Variants in PDE1A observed in about 807,000 individuals in gnomAD.
PDE1A encodes the protein dual specificity calcium/calmodulin-dependent 3',5'-cyclic nucleotide phosphodiesterase 1A.
Under a neutral mutation model 61.7 loss-of-function variants are expected in PDE1A, and 35 were observed. The ratio of observed to expected loss-of-function variants is 0.57; its 90% CI spans 0.43 to 0.75. PDE1A has a LOEUF of 0.75. PDE1A is among the 30% of genes least tolerant of loss of function. PDE1A has a pLI of 0.00. For missense variants in PDE1A, 597 were observed against 630.6 expected, an observed-to-expected ratio of 0.95 and a Z score of 0.57; for synonymous variants, 232 against 213.2, an observed-to-expected ratio of 1.09 and a Z score of -0.77.
At chr2:182,512,795 T>A (rs1180895174) in intron 2 of PDE1A, among the ~76,000 whole-genome samples, 1 of 152,168 alleles carries the variant, frequency 6.6e-6, no homozygotes, top group African/African-American at 2.4e-5. Flanking sequence ...ACTACAAGAA[T>A]ATCATAATAC....
intron 2 of PDE1A, among the ~76,000 whole-genome samples, chr2:182,520,692 T>C (rs1402480446): frequency 6.6e-6 from 1 of 151,920 alleles, no homozygotes; most frequent in Admixed American, 6.6e-5. Flanking sequence ...TTCAAGTAAC[T>C]ACAGGAAACT....
chr2:182,629,279 A>G, the PDE1A span, among the ~76,000 whole-genome samples: 5 of 152,214 alleles, frequency 3.3e-5, no homozygotes, highest in African/African-American at 1.2e-4. Context: ...CCCAGACTCA[A>G]CCCATGGCAA....
At chr2:182,579,043 A>G in the PDE1A span, among the ~76,000 whole-genome samples, 2 of 152,236 alleles carry the variant, frequency 1.3e-5, no homozygotes, top group Non-Finnish European at 2.9e-5. Context: ...CACAAAAGGG[A>G]AAAACAAATG....
At chr2:182,245,270 T>A (rs1225310900) in intron 2 of PDE1A, among the ~76,000 whole-genome samples, 1 of 152,176 alleles carries the variant, frequency 6.6e-6, no homozygotes, top group Non-Finnish European at 1.5e-5. Context: ...ACCCCCACCT[T>A]CACAGTTCCC....
chr2:182,705,176 A>G, the PDE1A span, among the ~76,000 whole-genome samples: 1 of 152,320 alleles, frequency 6.6e-6, no homozygotes, highest in East Asian at 1.9e-4. Flanking sequence ...AATTTTTTAA[A>G]CAAAAATTCT....
chr2:182,185,994 G>A, exon 13 of PDE1A: 1 of 1,614,012 alleles, frequency 6.2e-7, no homozygotes. Context: ...GAGTAGTCTG[G>A]GGAATAGGAC....
At chr2:182,236,775 C>T (rs1690054718) in intron 3 of PDE1A, among the ~76,000 whole-genome samples, 1 of 152,102 alleles carries the variant, frequency 6.6e-6, no homozygotes, top group African/African-American at 2.4e-5. Flanking sequence ...AATGGGACCT[C>T]TGATGCTACT....
the PDE1A span, among the ~76,000 whole-genome samples, chr2:182,644,111 T>A: frequency 8.5e-6 from 1 of 118,330 alleles, no homozygotes; most frequent in Non-Finnish European, 1.8e-5. Flanking sequence ...AGAGATACCT[T>A]CTCTCTAATC....
At chr2:182,712,806 T>C in the PDE1A span, among the ~76,000 whole-genome samples, 25 of 152,300 alleles carry the variant, frequency 1.6e-4, no homozygotes, top group East Asian at 4.8e-3. Flanking sequence ...TCCGCCTGCC[T>C]CAGCCTCCCA....
chr2:182,587,235 G>T, the PDE1A span, among the ~76,000 whole-genome samples: 1 of 152,158 alleles, frequency 6.6e-6, no homozygotes, highest in Non-Finnish European at 1.5e-5. Context: ...TGAGGATAAT[G>T]ATGAGCTATG....
At chr2:182,269,847 C>T (rs766696135) in intron 1 of PDE1A, among the ~76,000 whole-genome samples, 16 of 152,040 alleles carry the variant, frequency 1.1e-4, no homozygotes, top group Non-Finnish European at 2.1e-4. Context: ...TGTGTCTGCA[C>T]TTATCAAATT....
chr2:182,257,887 G>A (rs534534265), intron 2 of PDE1A, among the ~76,000 whole-genome samples: 1 of 152,314 alleles, frequency 6.6e-6, no homozygotes, highest in South Asian at 2.1e-4. Context: ...GCATCTATCA[G>A]CTGGGCGCGG....
At chr2:182,432,843 A>G (rs1038769036) in intron 2 of PDE1A, among the ~76,000 whole-genome samples, 2 of 151,898 alleles carry the variant, frequency 1.3e-5, no homozygotes, top group East Asian at 1.9e-4. Context: ...CTCTGCAACT[A>G]TGTCCCTTGT....
chr2:182,427,867 T>C (rs1453162673), upstream of PDE1A, among the ~76,000 whole-genome samples: 1 of 152,130 alleles, frequency 6.6e-6, no homozygotes, highest in African/African-American at 2.4e-5. Flanking sequence ...AAAGCATGAT[T>C]AGAATGTTTT....
At chr2:182,501,252 G>A (rs1689068220) in intron 2 of PDE1A, among the ~76,000 whole-genome samples, 1 of 152,124 alleles carries the variant, frequency 6.6e-6, no homozygotes, top group African/African-American at 2.4e-5. Flanking sequence ...TTGGCCTGTT[G>A]CTACTGATCC....
the PDE1A span, among the ~76,000 whole-genome samples, chr2:182,611,730 TAAAG>T: frequency 6.6e-6 from 1 of 151,198 alleles, no homozygotes; most frequent in South Asian, 2.1e-4. Context: ...AAATATATAT[TAAAG>T]AAAGAATGAA....
At chr2:182,219,844 T>G (rs1688570354) in intron 7 of PDE1A, among the ~76,000 whole-genome samples, 1 of 152,120 alleles carries the variant, frequency 6.6e-6, no homozygotes, top group South Asian at 2.1e-4. Context: ...ATATATTAAT[T>G]TGCTTCTGTA....
intron 1 of PDE1A, among the ~76,000 whole-genome samples, chr2:182,366,117 C>G (rs1304593766): frequency 1.3e-5 from 2 of 152,008 alleles, no homozygotes; most frequent in African/African-American, 4.8e-5. Context: ...GGAGCAGGCA[C>G]TGTGAGAAGT....
intron 13 of PDE1A, among the ~76,000 whole-genome samples, chr2:182,169,925 C>CACACACAT (rs1190244463): frequency 8.5e-6 from 1 of 117,356 alleles, no homozygotes; most frequent in Non-Finnish European, 1.9e-5. Context: ...CACACACGCA[C>CACACACAT]ACACACACAC....
Sources: allele counts gnomAD v4.1 joint callset (sites outside exome capture counted in the v4.1 genomes callset), GRCh38; gene constraint gnomAD v4.1.1; transcripts MANE v1.5; gene names NCBI Gene and HGNC (gene_info 2026-07-23, HGNC 2026-07-21).